Variants in RBFOX2 observed in about 807,000 individuals in gnomAD.
The protein encoded by RBFOX2 is RNA binding protein fox-1 homolog 2.
A neutral mutation model predicts 49.1 loss-of-function variants in RBFOX2; 10 were observed. The observed-to-expected ratio is 0.20, with a 90% CI of 0.13 to 0.35. The LOEUF is 0.35. Among genes scored for constraint, RBFOX2 ranks in the 10% least tolerant of loss-of-function variants. The pLI is 1.00. For synonymous variants in RBFOX2, 183 were observed against 187.4 expected, an observed-to-expected ratio of 0.98 and a Z score of 0.19; for missense variants, 323 against 486.9, an observed-to-expected ratio of 0.66 and a Z score of 3.17.
At chr22:35,976,793 C>A (rs2057180298) in intron 1 of RBFOX2, among the ~76,000 whole-genome samples, 1 of 151,788 alleles carries the variant, frequency 6.6e-6, no homozygotes, top group Non-Finnish European at 1.5e-5. Context: ...CGAAACCTCG[C>A]CTCTACTAAA....
At chr22:36,016,191 G>C (rs1170471721) in intron 1 of RBFOX2, among the ~76,000 whole-genome samples, 1 of 151,658 alleles carries the variant, frequency 6.6e-6, no homozygotes, top group African/African-American at 2.4e-5. Context: ...ATTTGTATGG[G>C]AAAAAGCTTC....
chr22:35,903,203 A>G (rs2048778472), intron 1 of RBFOX2, among the ~76,000 whole-genome samples: 1 of 151,908 alleles, frequency 6.6e-6, no homozygotes, highest in Non-Finnish European at 1.5e-5. Flanking sequence ...TCTTCAATCT[A>G]CTCAAAACAA....
chr22:35,760,073 G>C, intron 8 of RBFOX2, 53 bp from the exon 10 acceptor site: 1 of 1,603,870 alleles, frequency 6.2e-7, no homozygotes, highest in Non-Finnish European at 8.5e-7. Context: ...TCAATAGAAG[G>C]TGCACAGTCA....
intron 1 of RBFOX2, among the ~76,000 whole-genome samples, chr22:35,953,629 T>C (rs1481311483): frequency 6.6e-6 from 1 of 152,200 alleles, no homozygotes; most frequent in Non-Finnish European, 1.5e-5. Context: ...ACCAAATTGT[T>C]CACTTTTTTA....
Position 35,869,469 on chromosome 22 carries a change from C to CAAAAAAAA in RBFOX2, c.-33-59473_-33-59466dup, listed in dbSNP as rs35854576. Among the ~76,000 whole-genome samples the CAAAAAAAA allele has an allele frequency of 1.0e-3, 31 of 30,570 alleles. 9 individuals carry two copies. The highest frequency in any genetic ancestry group is 2.0e-3 in the Non-Finnish European group (30 of 15,374). 20.1% of individuals were successfully genotyped at this position (30,570 alleles called of 152,430 possible). Reference sequence around the variant, plus strand: ...CCACCACACCCAGCCAACGGCTGACCAAAAAAAAAAAAAAAAAAAAAAAAA... The same window carrying CAAAAAAAA: ...CCACCACACCCAGCCAACGGCTGACCAAAAAAAAAAAAAAAAAAAAAAAAAAAAAAAAA... On this transcript the variant is annotated intron_variant, in intron 1 of 13. Coordinates refer to the RBFOX2 transcript ENST00000359369.
chr22:35,905,381 T>C (rs1480426714), intron 1 of RBFOX2, among the ~76,000 whole-genome samples: 1 of 152,232 alleles, frequency 6.6e-6, no homozygotes. Context: ...TATTACTCTT[T>C]TATATTCCTA....
intron 1 of RBFOX2, among the ~76,000 whole-genome samples, chr22:35,922,989 C>T (rs1475477847): frequency 6.6e-6 from 1 of 152,202 alleles, no homozygotes; most frequent in South Asian, 2.1e-4. Context: ...AGTCCTATGG[C>T]TCTGTCTTAG....
At chr22:35,985,905 T>C (rs578226915) in intron 1 of RBFOX2, among the ~76,000 whole-genome samples, 3 of 4,486 alleles carry the variant, frequency 6.7e-4, no homozygotes, top group African/African-American at 1.1e-3. Context: ...GATAGATGGA[T>C]AGATAGATAG....
chr22:35,937,849 A>G (rs916698383), intron 1 of RBFOX2, among the ~76,000 whole-genome samples: 5 of 152,134 alleles, frequency 3.3e-5, no homozygotes, highest in Non-Finnish European at 5.9e-5. Flanking sequence ...TTGGCCTCCC[A>G]AAGTACTGGG....
chr22:35,901,550 T>C (rs753575206), intron 1 of RBFOX2, among the ~76,000 whole-genome samples: 4 of 152,084 alleles, frequency 2.6e-5, no homozygotes, highest in Non-Finnish European at 4.4e-5. Context: ...ACACATACTG[T>C]ACTTGTGCAC....
chr22:35,882,690 G>GA (rs1293723471), intron 1 of RBFOX2, among the ~76,000 whole-genome samples: 1 of 152,162 alleles, frequency 6.6e-6, no homozygotes, highest in African/African-American at 2.4e-5. Flanking sequence ...CCTTATATAG[G>GA]AATGCAAATG....
chr22:35,756,016 A>G, intron 9 of RBFOX2, 89 bp downstream of exon 11: 3 of 974,200 alleles, frequency 3.1e-6, no homozygotes, highest in Non-Finnish European at 4.1e-6. Context: ...AATTAAAAGG[A>G]AAAAAACCAA....
intron 2 of RBFOX2, among the ~76,000 whole-genome samples, chr22:35,797,872 C>G (rs1423688917): frequency 6.6e-6 from 1 of 152,190 alleles, no homozygotes; most frequent in African/African-American, 2.4e-5. Flanking sequence ...TCACTGCAGG[C>G]TATGGGTTCA....
intron 2 of RBFOX2, among the ~76,000 whole-genome samples, chr22:35,790,457 T>C (rs1277602190): frequency 6.6e-6 from 1 of 152,196 alleles, no homozygotes; most frequent in Non-Finnish European, 1.5e-5. Context: ...TGAGGATTAT[T>C]AAAATATTTG....
chr22:36,008,010 G>A (rs554002003), intron 1 of RBFOX2, among the ~76,000 whole-genome samples: 31 of 152,096 alleles, frequency 2.0e-4, no homozygotes, highest in Admixed American at 7.2e-4. Flanking sequence ...ATACGCAGAT[G>A]CAAGAGCATC....
intron 1 of RBFOX2, chr22:35,995,137 T>G (rs2058136203): frequency 6.6e-6 from 1 of 152,200 alleles, no homozygotes; most frequent in Non-Finnish European, 1.5e-5. Flanking sequence ...AAACTAATAC[T>G]TCCTACAAAA....
intron 2 of RBFOX2, among the ~76,000 whole-genome samples, chr22:35,806,037 T>C (rs182836153): frequency 3.9e-4 from 59 of 152,342 alleles, no homozygotes; most frequent in Middle Eastern, 3.4e-3. Context: ...GTGAAATTAC[T>C]TTTTGTGATG....
chr22:35,978,433 C>G (rs1204715301), intron 1 of RBFOX2, among the ~76,000 whole-genome samples: 2 of 152,106 alleles, frequency 1.3e-5, no homozygotes, highest in Admixed American at 1.3e-4. Context: ...AGCCTAGAGG[C>G]AAGGACACTC....
intron 1 of RBFOX2, among the ~76,000 whole-genome samples, chr22:35,953,133 C>T (rs4538304): frequency 3.3e-3 from 471 of 142,618 alleles, no homozygotes; most frequent in Non-Finnish European, 5.8e-3. Flanking sequence ...ATGGCATGAA[C>T]TTGGGAGGCA....
Sources: gnomAD v4.1 joint callset for allele counts (sites outside exome capture counted in the v4.1 genomes callset) on GRCh38, gnomAD v4.1.1 for gene constraint, MANE v1.5 for transcripts, NCBI Gene and HGNC (gene_info 2026-07-23, HGNC 2026-07-21) for gene names.